NFE2L2: variants seen among roughly 807,000 people sequenced by gnomAD.
NFE2L2 encodes nuclear factor erythroid 2-related factor 2.
A neutral mutation model predicts 49.6 loss-of-function variants in NFE2L2; 20 were observed. The ratio of observed to expected loss-of-function variants is 0.40; its 90% CI spans 0.28 to 0.59. The LOEUF (loss-of-function observed/expected upper bound fraction) is 0.59, where lower values mean the gene tolerates loss of function less well. Ranked by LOEUF, NFE2L2 falls within the 20% of genes least tolerant of loss-of-function variation. The pLI is 0.40. For missense variants in NFE2L2, 578 were observed against 714.2 expected (o/e 0.81, Z 2.17); for synonymous variants, 244 against 256.5 (o/e 0.95, Z 0.47).
intron 1 of NFE2L2, among the ~76,000 whole-genome samples, chr2:177,250,861 T>C (rs939194288): frequency 6.6e-6 from 1 of 152,204 alleles, no homozygotes; most frequent in African/African-American, 2.4e-5. Flanking sequence ...GTTCCTGCAA[T>C]GGAAGGCCAA....
At chr2:177,236,462 C>A (rs1689754047) in intron 1 of NFE2L2, among the ~76,000 whole-genome samples, 1 of 152,192 alleles carries the variant, frequency 6.6e-6, no homozygotes, top group Admixed American at 6.5e-5. Context: ...AAGCCAGTAT[C>A]TATTAAGGGC....
intron 1 of NFE2L2, among the ~76,000 whole-genome samples, chr2:177,259,413 A>G (rs530455860): frequency 6.6e-6 from 1 of 152,248 alleles, no homozygotes; most frequent in East Asian, 1.9e-4. Flanking sequence ...ACACAAAAAG[A>G]CTTTTAAATA....
chr2:177,237,281 C>G (rs780441327), intron 1 of NFE2L2, among the ~76,000 whole-genome samples: 5 of 152,226 alleles, frequency 3.3e-5, no homozygotes, highest in Non-Finnish European at 7.3e-5. Context: ...AGCGGCCAGT[C>G]TGCAGGTCAG....
chr2:177,232,250 T>G, intron 4 of NFE2L2, 142 bp downstream of exon 4: 1 of 950,876 alleles, frequency 1.1e-6, no homozygotes, highest in Middle Eastern at 3.4e-4. Flanking sequence ...TCCAACCAAT[T>G]TAACTAGCAT....
intron 1 of NFE2L2, among the ~76,000 whole-genome samples, chr2:177,248,496 G>A (rs577748271): frequency 3.9e-5 from 6 of 152,152 alleles, no homozygotes; most frequent in Admixed American, 2.6e-4. Context: ...CGCAACCGCC[G>A]CCTCCCGGGT....
At chr2:177,245,742 T>C (rs1387431703) in intron 1 of NFE2L2, among the ~76,000 whole-genome samples, 2 of 152,128 alleles carry the variant, frequency 1.3e-5, no homozygotes, top group Non-Finnish European at 2.9e-5. Context: ...CCCGAGTAGT[T>C]GGGATTACAG....
intron 1 of NFE2L2, among the ~76,000 whole-genome samples, chr2:177,253,934 C>T (rs947080343): frequency 3.9e-5 from 6 of 152,096 alleles, no homozygotes; most frequent in Non-Finnish European, 1.5e-5. Context: ...ATTTTCTTAG[C>T]GGATTCTAGT....
At chr2:177,263,616 C>G in intron 1 of NFE2L2, 1 of 985,412 alleles carries the variant, frequency 1.0e-6, no homozygotes, top group Non-Finnish European at 1.2e-6. Context: ...CAACCGAGCG[C>G]TGTCACGGAA....
At chr2:177,244,419 T>TACC (rs1558985623) in intron 1 of NFE2L2, among the ~76,000 whole-genome samples, 1 of 152,066 alleles carries the variant, frequency 6.6e-6, no homozygotes, top group Non-Finnish European at 1.5e-5. Flanking sequence ...ACCCATCAGA[T>TACC]ACCACCCCCT....
chr2:177,236,623 C>T (rs1689760327), intron 1 of NFE2L2, among the ~76,000 whole-genome samples: 2 of 152,190 alleles, frequency 1.3e-5, no homozygotes, highest in Admixed American at 1.3e-4. Context: ...AACAAAGACA[C>T]ATACCCAGGC....
At position 177,264,583 on chromosome 2, in the gene NFE2L2, C is replaced by T. The variant is rs1051937800; in HGVS notation, c.-7G>A. 2.1e-5 allele frequency: 31 copies of T among 1,480,988 alleles called. No homozygotes were observed. In the Admixed American group the frequency reaches 3.3e-4, roughly 16 times the overall value. The allele number at this position is 1,480,988 out of a possible 1,614,324, so 91.7% of individuals were successfully genotyped here. ...GCAGCTCCAAGTCCATCATGATGAG[C>T]TGTGGACCGTGTGTTGGGGCTCCCC... On this transcript the variant is annotated 5_prime_UTR_variant, in exon 1 of 5. Transcript: ENST00000397062.
At chr2:177,244,763 T>C (rs1317289460) in intron 1 of NFE2L2, among the ~76,000 whole-genome samples, 3 of 152,062 alleles carry the variant, frequency 2.0e-5, no homozygotes, top group African/African-American at 7.2e-5. Flanking sequence ...TCCCAGCACT[T>C]TGGGAGGCCG....
rs762135353 is a variant in NFE2L2, at chr2:177,260,203, TAC to T, written c.45+4327_45+4328del. Among the ~76,000 whole-genome samples, 7 of 152,230 alleles carry T rather than the reference TAC, an allele frequency of 4.6e-5. No homozygotes were observed. The East Asian group carries it at 1.3e-3, about 29-fold the overall frequency. On this transcript the variant is annotated intron_variant, in intron 1 of 4. Transcript: ENST00000397062. ...CAAACTTATAATGAATATACATTTC[TAC>T]AGTCAGAGATGAAGACAAGCAGGTT...
At chr2:177,232,943 A>G (rs1689609182) in intron 3 of NFE2L2, 1 of 486,910 alleles carries the variant, frequency 2.1e-6, no homozygotes, top group Non-Finnish European at 3.6e-6. Flanking sequence ...TTACTCACCA[A>G]ACCTCTTAGA....
At chr2:177,253,933 G>A (rs1016021597) in intron 1 of NFE2L2, among the ~76,000 whole-genome samples, 1 of 152,102 alleles carries the variant, frequency 6.6e-6, no homozygotes, top group African/African-American at 2.4e-5. Flanking sequence ...AATTTTCTTA[G>A]CGGATTCTAG....
chr2:177,259,414 CTT>C (rs1690646150), intron 1 of NFE2L2, among the ~76,000 whole-genome samples: 1 of 152,146 alleles, frequency 6.6e-6, no homozygotes, highest in Non-Finnish European at 1.5e-5. Context: ...CACAAAAAGA[CTT>C]TTAAATACCA....
In NFE2L2 at chr2:177,264,550, C is replaced by T; in HGVS notation, c.27G>A (p.Pro9=). The change falls in exon 1 of 5, where the codon CCG becomes CCA. Residue 9 remains proline, a synonymous_variant. Coordinates refer to ENST00000397062, the MANE Select transcript of NFE2L2 (RefSeq NM_006164.5). ...GCAGCACCTGCTGGGACGGGAGTCC[C>T]GGCGGCGGCAGCTCCAAGTCCATCA... The part of the protein sequence containing the change: MMDLELPP[P]GLPSQQDMDL... 7.2e-6 allele frequency: 11 copies of T among 1,521,172 alleles called. No homozygotes were observed. The highest frequency in any genetic ancestry group is 1.7e-4 in the Middle Eastern group (1 of 5,838). 94.2% of individuals were successfully genotyped at this position (1,521,172 alleles called of 1,614,324 possible). A position where few individuals can be genotyped will look rare whatever the true frequency, so the allele number is the denominator to read the frequency against.
chr2:177,243,514 C>G (rs1019834729), intron 1 of NFE2L2, among the ~76,000 whole-genome samples: 2 of 152,158 alleles, frequency 1.3e-5, no homozygotes, highest in South Asian at 4.2e-4. Flanking sequence ...CCTTGGGGTC[C>G]TTTTCAGATT....
chr2:177,235,469 C>T (rs1689715679), intron 1 of NFE2L2, among the ~76,000 whole-genome samples: 1 of 151,842 alleles, frequency 6.6e-6, no homozygotes, highest in South Asian at 2.1e-4. Context: ...AAAACTATGG[C>T]TCCAGGGAAG....
Sources: allele counts gnomAD v4.1 joint callset (sites outside exome capture counted in the v4.1 genomes callset), GRCh38; gene constraint gnomAD v4.1.1; transcripts MANE v1.5; gene names NCBI Gene and HGNC (gene_info 2026-07-23, HGNC 2026-07-21).